TMEM163: variants seen among roughly 807,000 people sequenced by gnomAD.
TMEM163 encodes transmembrane protein 163.
A neutral mutation model predicts 29.3 loss-of-function variants in TMEM163; 17 were observed. The observed-to-expected ratio is 0.58, with a 90% CI of 0.40 to 0.87. TMEM163 has a LOEUF of 0.87. TMEM163 is among the 40% of genes least tolerant of loss of function. The pLI is 0.00. For synonymous variants in TMEM163, 157 were observed against 160.6 expected, an observed-to-expected ratio of 0.98 and a Z score of 0.17; for missense variants, 303 against 381.5, an observed-to-expected ratio of 0.79 and a Z score of 1.71.
intron 4 of TMEM163, among the ~76,000 whole-genome samples, chr2:134,549,176 T>C (rs1680855072): frequency 6.6e-6 from 1 of 152,118 alleles, no homozygotes; most frequent in African/African-American, 2.4e-5. Flanking sequence ...ACACTAAAGC[T>C]AATAATGACA....
At chr2:134,573,269 T>C (rs2104786946) in intron 2 of TMEM163, among the ~76,000 whole-genome samples, 1 of 152,366 alleles carries the variant, frequency 6.6e-6, no homozygotes, top group East Asian at 1.9e-4. Context: ...ACCCAAGTGC[T>C]GAGAATGCTT....
rs549058533 is a variant in TMEM163, at chr2:134,604,489, T to C, written c.323-52398A>G. On this transcript the variant is annotated intron_variant, in intron 2 of 7. Coordinates refer to ENST00000281924, the MANE Select transcript of TMEM163 (RefSeq NM_030923.5). ...GCAAGACATTTTCTCTAGGTACCAATGTTCATGTAAAGAGATAAGGAGGGG... is the reference window on the plus strand; with the variant it reads ...GCAAGACATTTTCTCTAGGTACCAACGTTCATGTAAAGAGATAAGGAGGGG... Among the ~76,000 whole-genome samples the C allele has an allele frequency of 1.3e-3, 199 of 149,074 alleles. 2 individuals are homozygous for C. The highest frequency in any genetic ancestry group is 1.3e-3 in the Admixed American group (20 of 14,992).
chr2:134,677,162 C>T (rs978313259), intron 2 of TMEM163, among the ~76,000 whole-genome samples: 4 of 152,194 alleles, frequency 2.6e-5, no homozygotes, highest in African/African-American at 7.2e-5. Flanking sequence ...CCGCAGACCT[C>T]GTGGCTTTGG....
intron 2 of TMEM163, among the ~76,000 whole-genome samples, chr2:134,633,993 ATATATATATATATATATATATAT>A (rs1683041996): frequency 2.6e-5 from 3 of 113,298 alleles, no homozygotes; most frequent in Admixed American, 1.8e-4. Context: ...ATATATATAT[ATATATATATATATATATATATAT>A]ATATAATAGG....
At chr2:134,525,669 C>T (rs1333166762) in intron 4 of TMEM163, among the ~76,000 whole-genome samples, 1 of 152,174 alleles carries the variant, frequency 6.6e-6, no homozygotes, top group Non-Finnish European at 1.5e-5. Flanking sequence ...ACTTTGACCT[C>T]CAAGTTTGTG....
At chr2:134,669,048 T>C (rs4954158) in intron 2 of TMEM163, among the ~76,000 whole-genome samples, 97,231 of 152,080 alleles carry the variant, frequency 0.64, 32,240 homozygotes, top group African/African-American at 0.77. Context: ...ACATCCTCAC[T>C]GCAGAGGCAT....
At chr2:134,563,626 AC>A (rs1681229907) in intron 2 of TMEM163, among the ~76,000 whole-genome samples, 1 of 152,242 alleles carries the variant, frequency 6.6e-6, no homozygotes, top group African/African-American at 2.4e-5. Flanking sequence ...ATTAAAGACA[AC>A]TATTAAATAT....
At chr2:134,636,355 T>G (rs1683104405) in intron 2 of TMEM163, among the ~76,000 whole-genome samples, 1 of 152,276 alleles carries the variant, frequency 6.6e-6, no homozygotes, top group Non-Finnish European at 1.5e-5. Flanking sequence ...ATTTATTTAC[T>G]TGCCAAGGTT....
At chr2:134,457,710 G>C (rs1488193104) in intron 7 of TMEM163, among the ~76,000 whole-genome samples, 1 of 152,210 alleles carries the variant, frequency 6.6e-6, no homozygotes, top group African/African-American at 2.4e-5. Flanking sequence ...TGCTTCCCTG[G>C]GGCATCATGA....
intron 2 of TMEM163, among the ~76,000 whole-genome samples, chr2:134,680,734 A>G (rs1331026084): frequency 6.6e-6 from 1 of 152,206 alleles, no homozygotes; most frequent in Non-Finnish European, 1.5e-5. Context: ...AGTTTGGGAC[A>G]GACAGGGTTT....
chr2:134,565,165 G>A (rs688708), intron 2 of TMEM163, among the ~76,000 whole-genome samples: 7,405 of 152,162 alleles, frequency 0.049, 266 homozygotes, highest in Middle Eastern at 0.082. Flanking sequence ...TTGAACCCAG[G>A]AGGCAGAGGT....
intron 5 of TMEM163, among the ~76,000 whole-genome samples, chr2:134,472,251 G>A (rs986232244): frequency 1.3e-5 from 2 of 152,158 alleles, no homozygotes; most frequent in African/African-American, 2.4e-5. Flanking sequence ...TAGGAAAAGG[G>A]TTATCACAAA....
At chr2:134,627,547 A>G (rs1468165116) in intron 2 of TMEM163, among the ~76,000 whole-genome samples, 1 of 152,234 alleles carries the variant, frequency 6.6e-6, no homozygotes, top group East Asian at 1.9e-4. Flanking sequence ...GTTAACAACC[A>G]CATAGAAACA....
intron 4 of TMEM163, among the ~76,000 whole-genome samples, chr2:134,509,980 A>T (rs1255994729): frequency 6.6e-6 from 1 of 152,196 alleles, no homozygotes; most frequent in Non-Finnish European, 1.5e-5. Flanking sequence ...CTATTTCAGC[A>T]GGAGTTCAAA....
intron 4 of TMEM163, among the ~76,000 whole-genome samples, chr2:134,537,969 T>G (rs1284118694): frequency 6.6e-6 from 1 of 152,074 alleles, no homozygotes; most frequent in Non-Finnish European, 1.5e-5. Context: ...ATAACAAGAG[T>G]TGGCAAGGAT....
intron 7 of TMEM163, among the ~76,000 whole-genome samples, chr2:134,457,566 C>CG (rs1686428074): frequency 6.6e-6 from 1 of 152,242 alleles, no homozygotes; most frequent in South Asian, 2.1e-4. Flanking sequence ...GATGCCAGCA[C>CG]GGCCTTTCTG....
intron 7 of TMEM163, among the ~76,000 whole-genome samples, chr2:134,457,638 A>G (rs977444638): frequency 2.0e-5 from 3 of 152,218 alleles, no homozygotes; most frequent in Non-Finnish European, 4.4e-5. Flanking sequence ...TCTGGCCAGC[A>G]CACTGTTGCA....
At chr2:134,692,648 G>T (rs751699657) in intron 2 of TMEM163, among the ~76,000 whole-genome samples, 5 of 152,154 alleles carry the variant, frequency 3.3e-5, no homozygotes, top group Non-Finnish European at 5.9e-5. Flanking sequence ...CCGTTCCTCA[G>T]TGCAGAGGGT....
At chr2:134,686,083 G>C (rs899652758) in intron 2 of TMEM163, among the ~76,000 whole-genome samples, 2 of 152,154 alleles carry the variant, frequency 1.3e-5, no homozygotes, top group Non-Finnish European at 2.9e-5. Flanking sequence ...AGGAGGAAAG[G>C]AGTGGCATCT....
Sources: allele counts gnomAD v4.1 joint callset (sites outside exome capture counted in the v4.1 genomes callset), GRCh38; gene constraint gnomAD v4.1.1; transcripts MANE v1.5; gene names NCBI Gene and HGNC (gene_info 2026-07-23, HGNC 2026-07-21).